NDEL1: variants seen among roughly 807,000 people sequenced by gnomAD.
NDEL1 encodes the protein nudE neurodevelopment protein 1 like 1, also known as nuclear distribution protein nudE-like 1.
A neutral mutation model predicts 45.7 loss-of-function variants in NDEL1; 9 were observed. The observed-to-expected ratio is 0.20, with a 90% confidence interval of 0.12 to 0.34. The LOEUF (loss-of-function observed/expected upper bound fraction) is 0.34. Among genes scored for constraint, NDEL1 ranks in the 10% least tolerant of loss-of-function variants. The probability of loss-of-function intolerance (pLI) is 1.00; values close to 1 mark genes in which losing one functional copy is unlikely to be tolerated. For synonymous variants in NDEL1, 133 were observed against 158.6 expected (o/e 0.84, Z 1.21); for missense variants, 306 against 406.2 (o/e 0.75, Z 2.12).
chr17:8,463,113 T>G, intron 8 of NDEL1: 1 of 442,864 alleles, frequency 2.3e-6, no homozygotes, highest in Non-Finnish European at 4.1e-6. Context: ...ACACATTTCA[T>G]GTGGAGTGTG....
chr17:8,435,733 G>C, upstream of NDEL1: 6 of 336,826 alleles, frequency 1.8e-5, no homozygotes, highest in Non-Finnish European at 3.5e-5. Context: ...CTGCGCAAGA[G>C]GACGCCGTCA....
chr17:8,439,121 T>C (rs1909559723), intron 1 of NDEL1, among the ~76,000 whole-genome samples: 1 of 151,686 alleles, frequency 6.6e-6, no homozygotes, highest in African/African-American at 2.4e-5. Flanking sequence ...TTTTGTGTTT[T>C]TAGTAGAGAC....
At chr17:8,415,905 G>T (rs1431727699) in intron 1 of NDEL1, among the ~76,000 whole-genome samples, 1 of 152,112 alleles carries the variant, frequency 6.6e-6, no homozygotes, top group Non-Finnish European at 1.5e-5. Context: ...CTGCCACCAT[G>T]TCCGGCTACT....
chr17:8,473,853 G>A (rs967240348), intron 3 of NDEL1, among the ~76,000 whole-genome samples: 1 of 152,206 alleles, frequency 6.6e-6, no homozygotes, highest in Non-Finnish European at 1.5e-5. Context: ...TCTTCAATGC[G>A]TGTCTGCCTG....
At chr17:8,446,599 A>T (rs1910092482) in intron 3 of NDEL1, among the ~76,000 whole-genome samples, 155 bp from the exon 4 acceptor site, 1 of 152,236 alleles carries the variant, frequency 6.6e-6, no homozygotes, top group Non-Finnish European at 1.5e-5. Context: ...TTAGGCACTT[A>T]GAATGAATGT....
intron 1 of NDEL1, among the ~76,000 whole-genome samples, chr17:8,423,674 ACT>A (rs756444922): frequency 6.6e-6 from 1 of 152,132 alleles, no homozygotes; most frequent in Non-Finnish European, 1.5e-5. Flanking sequence ...ACAGAGCAAG[ACT>A]CTGTCTCAAA....
intron 1 of NDEL1, chr17:8,413,414 G>C (rs1016121394): frequency 2.6e-5 from 4 of 152,276 alleles, no homozygotes; most frequent in Admixed American, 2.6e-4. Flanking sequence ...AGGTCCATTT[G>C]GAAAGTTGGT....
chr17:8,463,488 G>A, intron 8 of NDEL1: 1 of 720,712 alleles, frequency 1.4e-6, no homozygotes, highest in Non-Finnish European at 2.4e-6. Context: ...GCCCATCAGT[G>A]AACTTTCACG....
chr17:8,467,166 G>A lies in NDEL1; in HGVS notation c.*143G>A. The A allele has an allele frequency of 5.3e-6, 4 of 750,552 alleles. No homozygotes were observed. Among genetic ancestry groups the A allele is most frequent in the East Asian group, 2.5e-5 (1 of 39,524 alleles). The allele number at this position is 750,552 out of a possible 1,614,324, so 46.5% of individuals were successfully genotyped here. ...CAGAGGGCAGGCTGCATGCAGTGGCGGCTACTGGGCCCTGCCCAGCCCCGG... is the reference window on the plus strand; with the variant it reads ...CAGAGGGCAGGCTGCATGCAGTGGCAGCTACTGGGCCCTGCCCAGCCCCGG... On this transcript the variant is annotated 3_prime_UTR_variant, in exon 9 of 9. Transcript: ENST00000334527. This position sits in a 1 kb window ranked among gnomAD's most constrained non-coding sequence, Gnocchi z 6.3.
At chr17:8,472,567 A>G (rs911014481), downstream of NDEL1, among the ~76,000 whole-genome samples, 3 of 152,154 alleles carry the variant, frequency 2.0e-5, no homozygotes, top group Non-Finnish European at 4.4e-5. Context: ...CGGGGGGCTG[A>G]AGCAGAGAAT....
At position 8,457,036 on chromosome 17, in the gene NDEL1, A is replaced by G. The variant is rs1910891380; in HGVS notation, c.792+2149A>G. Among the ~76,000 whole-genome samples the G allele has an allele frequency of 2.0e-5, 3 of 152,246 alleles. No homozygotes were observed. The South Asian group carries it at 6.2e-4, about 32-fold the overall frequency. Reference sequence around the variant, plus strand: ...GTCTTTATATTTGTGCCATTCAACAAATGTGTTTTGAGAATTTTGTTCTTT... The same window carrying G: ...GTCTTTATATTTGTGCCATTCAACAGATGTGTTTTGAGAATTTTGTTCTTT... On this transcript the variant is annotated intron_variant, in intron 7 of 8. Transcript: ENST00000334527.
chr17:8,446,632 A>T, intron 3 of NDEL1, 122 bp from the exon 4 acceptor site: 2 of 935,582 alleles, frequency 2.1e-6, no homozygotes, highest in Non-Finnish European at 3.1e-6. Context: ...TTTTTAAAGT[A>T]ATTGTTACAA....
chr17:8,454,326 C>T (rs1484080606), intron 6 of NDEL1, among the ~76,000 whole-genome samples: 1 of 150,958 alleles, frequency 6.6e-6, no homozygotes, highest in East Asian at 1.9e-4. Flanking sequence ...AGAAGAGATT[C>T]AAATGACTAG....
intron 1 of NDEL1, among the ~76,000 whole-genome samples, chr17:8,418,705 CT>C (rs972224750): frequency 6.8e-6 from 1 of 147,200 alleles, no homozygotes; most frequent in African/African-American, 2.5e-5. Context: ...TTTCTCTTTT[CT>C]TTCTCTCTCT....
rs1044488369 is a variant in NDEL1 at position 8,415,254 on chromosome 17, C to A, written c.-13+1985C>A. ...AGTGCAGTGGTGCGATCACAGCTTA[C>A]TACAGTCTTGAATTCCCGGGCTTAA... is the stretch of plus-strand genomic sequence containing the variant. On this transcript the variant is annotated intron_variant, in intron 1 of 4. Coordinates refer to the NDEL1 transcript ENST00000582812. Among the ~76,000 whole-genome samples the A allele has an allele frequency of 4.0e-5, 6 of 151,538 alleles. No homozygotes were observed. In the East Asian group the frequency reaches 7.9e-4, roughly 20 times the overall value.
chr17:8,421,303 A>G (rs1165237376), intron 1 of NDEL1, among the ~76,000 whole-genome samples: 2 of 152,226 alleles, frequency 1.3e-5, no homozygotes, highest in Non-Finnish European at 2.9e-5. Flanking sequence ...CAGAACCTGT[A>G]TGTTACCTTA....
intron 1 of NDEL1, among the ~76,000 whole-genome samples, chr17:8,415,738 C>G (rs575995657): frequency 6.1e-5 from 9 of 147,786 alleles, no homozygotes; most frequent in African/African-American, 2.2e-4. Context: ...ATGTGCCTTG[C>G]CCATTTTACA....
chr17:8,460,117 A>G lies in NDEL1; in HGVS notation c.901A>G (p.Thr301Ala). The change falls in exon 8 of 9, where the codon ACA becomes GCA. Residue 301 changes from threonine (T) to alanine (A), a missense_variant. Physicochemically the swap from Thr to Ala is moderately conservative, Grantham distance 58. Coordinates refer to ENST00000334527, the MANE Select transcript of NDEL1 (RefSeq NM_030808.5). ...CTGTGGGGTGCTGAATGGCAATGGC[A>G]CAAAGTTCTCTCGATCAGGGCATAC... ...VNCGVLNGNGTKFSRSGHTSF... is the reference protein window; with the variant it reads ...VNCGVLNGNGAKFSRSGHTSF... 6.2e-7 allele frequency: 1 copy of G among 1,614,190 alleles called. No homozygotes were observed. Among genetic ancestry groups the G allele is most frequent in the Non-Finnish European group, 8.5e-7 (1 of 1,180,036 alleles).
intron 4 of NDEL1, 123 bp downstream of exon 4, chr17:8,447,025 C>T (rs1910128207): frequency 8.1e-7 from 1 of 1,232,092 alleles, no homozygotes; most frequent in African/African-American, 1.5e-5. Flanking sequence ...TTCATGTCAC[C>T]TGTAACTCAT....
Sources: allele counts gnomAD v4.1 joint callset (sites outside exome capture counted in the v4.1 genomes callset), GRCh38; gene constraint gnomAD v4.1.1; non-coding constraint Gnocchi (gnomAD v3.1); transcripts MANE v1.5; gene names NCBI Gene and HGNC (gene_info 2026-07-23, HGNC 2026-07-21).